The following ADAMTS16 variants were observed in gnomAD, a reference collection of about 807,000 sequenced individuals.
ADAMTS16 encodes ADAM metallopeptidase with thrombospondin type 1 motif 16.
In ADAMTS16, 94 loss-of-function variants were observed where a neutral mutation model predicts 145.8. That is an observed-to-expected ratio of 0.64 (90% CI 0.55 to 0.77). ADAMTS16 has a LOEUF of 0.77. Among genes scored for constraint, ADAMTS16 ranks in the 30% least tolerant of loss-of-function variants. The pLI, the probability that ADAMTS16 is intolerant of heterozygous loss-of-function variation, is 0.00. For synonymous variants in ADAMTS16, 659 were observed against 604.3 expected (o/e 1.09, Z -1.33); for missense variants, 1,585 against 1,591.5 (o/e 1.00, Z 0.07).
chr5:5,216,415 C>A (rs912802485), intron 10 of ADAMTS16, among the ~76,000 whole-genome samples: 2 of 151,242 alleles, frequency 1.3e-5, no homozygotes, highest in African/African-American at 2.4e-5. Context: ...CATTGTAGAT[C>A]CTGGATATTA....
chr5:5,255,346 A>G (rs560942430), intron 17 of ADAMTS16, among the ~76,000 whole-genome samples: 35 of 152,374 alleles, frequency 2.3e-4, no homozygotes, highest in African/African-American at 7.7e-4. Flanking sequence ...GAAGTTATTT[A>G]ACACAGAGGA....
At chr5:5,276,349 C>T (rs1738695076) in intron 18 of ADAMTS16, among the ~76,000 whole-genome samples, 1 of 152,100 alleles carries the variant, frequency 6.6e-6, no homozygotes, top group Non-Finnish European at 1.5e-5. Context: ...ATTTCTACTA[C>T]TGCTGGAAGT....
rs1315456618 is a variant in ADAMTS16, at chr5:5,170,769, T to C, written c.502-11275T>C. On this transcript the variant is annotated intron_variant, in intron 3 of 22. Transcript: ENST00000274181. Reference sequence around the variant, plus strand: ...ATATATTCTGGTTGTTAATCTCTTGTCAGATGGGTACTTTGCAGACATTTT... The same window carrying C: ...ATATATTCTGGTTGTTAATCTCTTGCCAGATGGGTACTTTGCAGACATTTT... Among the ~76,000 whole-genome samples, 3 of 152,160 alleles carry C rather than the reference T, an allele frequency of 2.0e-5. No individual in the cohort carries two copies. In the East Asian group the frequency reaches 5.8e-4, roughly 29 times the overall value.
At chr5:5,288,340 T>A (rs537910839) in intron 18 of ADAMTS16, among the ~76,000 whole-genome samples, 2 of 152,290 alleles carry the variant, frequency 1.3e-5, no homozygotes, top group East Asian at 3.9e-4. Flanking sequence ...TCATGAAATG[T>A]TTAAATTCAT....
At chr5:5,306,377 C>T (rs1262080433) in intron 20 of ADAMTS16, 127 bp from the exon 21 acceptor site, 6 of 828,852 alleles carry the variant, frequency 7.2e-6, no homozygotes, top group Non-Finnish European at 9.6e-6. Flanking sequence ...ATGCTAAGGT[C>T]CAATAATTTT....
intron 20 of ADAMTS16, among the ~76,000 whole-genome samples, chr5:5,304,700 T>C (rs1483019708): frequency 3.9e-5 from 6 of 152,064 alleles, no homozygotes; most frequent in Non-Finnish European, 7.4e-5. Context: ...TTCAGTTTGT[T>C]ACTAAAAAAT....
intron 10 of ADAMTS16, among the ~76,000 whole-genome samples, chr5:5,222,210 C>A (rs1234361721): frequency 6.6e-6 from 1 of 152,068 alleles, no homozygotes; most frequent in African/African-American, 2.4e-5. Flanking sequence ...CTATGAAGAC[C>A]AAGAGGCAAA....
chr5:5,186,270 T>C lies in ADAMTS16; in HGVS notation c.963+19T>C. 6.2e-7 allele frequency: 1 copy of C among 1,609,592 alleles called. No homozygotes were observed. Among genetic ancestry groups the C allele is most frequent in the Non-Finnish European group, 8.5e-7 (1 of 1,178,366 alleles). The stretch of plus-strand genomic sequence containing the variant: ...CAACATGGTAGGATCATCCTTCCAG[T>C]TGAGGCCACCTGTGTCATTGCACTT... On this transcript the variant is annotated intron_variant, in intron 5 of 22. Coordinates refer to ENST00000274181, the MANE Select transcript of ADAMTS16 (RefSeq NM_139056.4).
At chr5:5,199,650 T>G (rs557297107) in intron 8 of ADAMTS16, among the ~76,000 whole-genome samples, 2 of 152,290 alleles carry the variant, frequency 1.3e-5, no homozygotes, top group East Asian at 3.9e-4. Context: ...CAAATTGCAG[T>G]AAGCATCAAA....
intron 18 of ADAMTS16, among the ~76,000 whole-genome samples, chr5:5,288,034 C>T (rs1320013488): frequency 1.3e-5 from 2 of 152,136 alleles, no homozygotes; most frequent in Non-Finnish European, 2.9e-5. Context: ...ATCCAAGAAA[C>T]CCTGACGCGA....
At chr5:5,294,432 T>C (rs1289517448) in intron 18 of ADAMTS16, among the ~76,000 whole-genome samples, 1 of 151,916 alleles carries the variant, frequency 6.6e-6, no homozygotes, top group Non-Finnish European at 1.5e-5. Context: ...CAGGAAGGAG[T>C]TGCAGTTTTG....
At position 5,232,369 on chromosome 5, in the gene ADAMTS16, G is replaced by A. The variant is rs1736955490; in HGVS notation, c.1703G>A (p.Trp568Ter). ...AEGTICGHDM[W>*]CRGGQCVKYG... ...ACTTATTTATGTTGAAAATTTTAGT[G>A]GTGCCGGGGAGGACAGTGTGTGAAA... The change falls in exon 12 of 23, where the codon TGG (tryptophan) becomes TAG (stop). Residue 568 changes from tryptophan (W) to a stop codon, truncating the protein, a stop_gained and splice_region_variant. Coordinates refer to ENST00000274181, the MANE Select transcript of ADAMTS16 (RefSeq NM_139056.4). LOFTEE classifies it high-confidence loss of function. The A allele has an allele frequency of 4.3e-6, 7 of 1,613,856 alleles. No homozygotes were observed. In the South Asian group the frequency reaches 7.7e-5, roughly 18 times the overall value.
intron 21 of ADAMTS16, among the ~76,000 whole-genome samples, chr5:5,316,796 A>C (rs909550603): frequency 6.6e-6 from 1 of 152,074 alleles, no homozygotes; most frequent in Non-Finnish European, 1.5e-5. Flanking sequence ...TTGGCTTGTC[A>C]AGCTTCTCCC....
intron 3 of ADAMTS16, among the ~76,000 whole-genome samples, chr5:5,181,733 G>T (rs1735344808): frequency 1.3e-5 from 2 of 152,096 alleles, no homozygotes; most frequent in African/African-American, 4.8e-5. Flanking sequence ...CATTACTTTT[G>T]GTGTAAATTA....
At chr5:5,191,462 T>A (rs1579299969) in intron 7 of ADAMTS16, among the ~76,000 whole-genome samples, 2 of 152,172 alleles carry the variant, frequency 1.3e-5, no homozygotes, top group Non-Finnish European at 2.9e-5. Context: ...CATAGAACCA[T>A]GAATTGTGTT....
chr5:5,216,168 A>C (rs1736435263), intron 10 of ADAMTS16, among the ~76,000 whole-genome samples: 1 of 151,900 alleles, frequency 6.6e-6, no homozygotes, highest in African/African-American at 2.4e-5. Flanking sequence ...GCAGTGTAGA[A>C]GCGTTCCCTG....
chr5:5,199,319 A>G (rs887254508), intron 8 of ADAMTS16, among the ~76,000 whole-genome samples: 1 of 152,188 alleles, frequency 6.6e-6, no homozygotes, highest in African/African-American at 2.4e-5. Flanking sequence ...GATGGCCCCC[A>G]TTAAGGGTTC....
chr5:5,286,238 T>G (rs1739095256), intron 18 of ADAMTS16, among the ~76,000 whole-genome samples: 1 of 152,244 alleles, frequency 6.6e-6, no homozygotes, highest in South Asian at 2.1e-4. Flanking sequence ...TATTTTCTGA[T>G]GTCTGTATTT....
intron 3 of ADAMTS16, among the ~76,000 whole-genome samples, chr5:5,163,066 C>T (rs994590477): frequency 2.0e-5 from 3 of 152,146 alleles, no homozygotes; most frequent in African/African-American, 7.2e-5. Flanking sequence ...GTAACAGCCA[C>T]CACTGCCTGA....
Sources: allele counts gnomAD v4.1 joint callset (sites outside exome capture counted in the v4.1 genomes callset), GRCh38; gene constraint gnomAD v4.1.1; transcripts MANE v1.5; gene names NCBI Gene and HGNC (gene_info 2026-07-23, HGNC 2026-07-21).